Variants in RBFOX1 observed in about 807,000 individuals in gnomAD.
RBFOX1 encodes RNA binding protein fox-1 homolog 1.
Under a neutral mutation model 57.7 loss-of-function variants are expected in RBFOX1, and 8 were observed. The observed-to-expected ratio is 0.14, with a 90% CI of 0.08 to 0.25. The LOEUF (loss-of-function observed/expected upper bound fraction) is 0.25. RBFOX1 is among the 10% of genes least tolerant of loss of function. RBFOX1 has a pLI of 1.00. For synonymous variants in RBFOX1, 326 were observed against 222.4 expected, an observed-to-expected ratio of 1.47 and a Z score of -4.15; for missense variants, 611 against 548.5, an observed-to-expected ratio of 1.11 and a Z score of -1.14.
chr16:6,047,012 G>T (rs1028192231), intron 1 of RBFOX1, among the ~76,000 whole-genome samples: 1 of 152,212 alleles, frequency 6.6e-6, no homozygotes, highest in African/African-American at 2.4e-5. Context: ...GCCAGGCAAG[G>T]TTGCTGATGA....
chr16:6,944,379 G>A (rs913839220), intron 3 of RBFOX1, among the ~76,000 whole-genome samples: 12 of 136,506 alleles, frequency 8.8e-5, no homozygotes, highest in African/African-American at 2.5e-4. Flanking sequence ...TGGCAACAGA[G>A]CAAGACTCCA....
At chr16:5,648,191 C>A (rs888631904) in intron 3 of RBFOX1, among the ~76,000 whole-genome samples, 4 of 152,074 alleles carry the variant, frequency 2.6e-5, no homozygotes, top group African/African-American at 4.8e-5. Context: ...TAACACTAAC[C>A]ACGACAATAC....
At chr16:6,256,410 C>T (rs886770951) in intron 1 of RBFOX1, among the ~76,000 whole-genome samples, 2 of 150,056 alleles carry the variant, frequency 1.3e-5, no homozygotes, top group Non-Finnish European at 3.0e-5. Context: ...TGCCCAAGGT[C>T]ACCTGGAACC....
At chr16:5,483,082 C>G (rs1219281522) in intron 2 of RBFOX1, among the ~76,000 whole-genome samples, 1 of 152,130 alleles carries the variant, frequency 6.6e-6, no homozygotes, top group Non-Finnish European at 1.5e-5. Context: ...GCCTTTAAGT[C>G]TGTAGCCCTG....
At chr16:6,310,640 G>C (rs139012204) in intron 1 of RBFOX1, among the ~76,000 whole-genome samples, 10 of 152,290 alleles carry the variant, frequency 6.6e-5, no homozygotes, top group East Asian at 1.9e-4. Flanking sequence ...AACCAAATCT[G>C]TGTCCAAAAC....
At chr16:6,510,474 A>G (rs2096231735) in intron 2 of RBFOX1, among the ~76,000 whole-genome samples, 1 of 152,224 alleles carries the variant, frequency 6.6e-6, no homozygotes, top group Non-Finnish European at 1.5e-5. Flanking sequence ...TTGGTCACAG[A>G]GGAGACCAGG....
At chr16:5,472,998 C>T (rs1366421424) in intron 2 of RBFOX1, among the ~76,000 whole-genome samples, 1 of 152,130 alleles carries the variant, frequency 6.6e-6, no homozygotes, top group Non-Finnish European at 1.5e-5. Flanking sequence ...CAGCTGGCTC[C>T]AGTCACCTTT....
rs565380401 is a variant in RBFOX1 at position 7,518,322 on chromosome 16, C to T, written c.203C>T (p.Pro68Leu). The change falls in exon 5 of 16, where the codon CCC becomes CTC. Residue 68 changes from proline (P) to leucine (L), a missense_variant. Physicochemically the swap from Pro to Leu is moderately conservative, Grantham distance 98. This residue lies in a region of RBFOX1 where 245 missense variants were observed against 159.1 expected (regional missense o/e 1.54). Coordinates refer to ENST00000550418, the MANE Select transcript of RBFOX1 (RefSeq NM_018723.4). The stretch of plus-strand genomic sequence containing the variant: ...GAGCACACATTAAACCTGTACCCTC[C>T]CGCCCAGACGCACTCCGAGCAGAGC... Reference protein sequence around the residue: ...VPEHTLNLYPPAQTHSEQSPA... With the variant: ...VPEHTLNLYPLAQTHSEQSPA... The T allele has an allele frequency of 1.2e-5, 19 of 1,614,082 alleles. No individual in the cohort carries two copies. In the South Asian group the frequency reaches 2.0e-4, roughly 17 times the overall value.
chr16:7,112,626 T>C (rs2065026151), intron 4 of RBFOX1, among the ~76,000 whole-genome samples: 1 of 150,160 alleles, frequency 6.7e-6, no homozygotes, highest in Admixed American at 6.8e-5. Flanking sequence ...AGGCTGAAAA[T>C]TTAAGGTTAT....
intron 1 of RBFOX1, among the ~76,000 whole-genome samples, chr16:6,043,493 T>C (rs1834921655): frequency 6.6e-6 from 1 of 152,266 alleles, no homozygotes; most frequent in African/African-American, 2.4e-5. Flanking sequence ...CCAAAGAGTC[T>C]GTTTTGTCAG....
At chr16:7,243,675 G>T (rs562012777) in intron 4 of RBFOX1, among the ~76,000 whole-genome samples, 1 of 152,098 alleles carries the variant, frequency 6.6e-6, no homozygotes, top group South Asian at 2.1e-4. Context: ...AGCCTCCCAA[G>T]TAGCTGGGTT....
intron 5 of RBFOX1, among the ~76,000 whole-genome samples, chr16:7,538,718 T>A (rs1048509787): frequency 1.1e-4 from 17 of 152,158 alleles, no homozygotes; most frequent in African/African-American, 4.1e-4. Context: ...ATGCTTCAGG[T>A]ATTTGGGTGA....
At chr16:6,681,786 T>C (rs1288823178) in intron 3 of RBFOX1, among the ~76,000 whole-genome samples, 1 of 152,164 alleles carries the variant, frequency 6.6e-6, no homozygotes, top group Admixed American at 6.5e-5. Context: ...TTCTCACGTC[T>C]GTAATGTGGA....
chr16:7,249,784 AT>A (rs1299574619), intron 4 of RBFOX1, among the ~76,000 whole-genome samples: 1 of 152,108 alleles, frequency 6.6e-6, no homozygotes, highest in African/African-American at 2.4e-5. Context: ...TTGTGTCTAT[AT>A]CTTAAGCACA....
intron 3 of RBFOX1, among the ~76,000 whole-genome samples, chr16:5,625,223 T>C (rs1342694473): frequency 6.6e-6 from 1 of 152,120 alleles, no homozygotes; most frequent in Admixed American, 6.5e-5. Context: ...ATATTTTTTT[T>C]TCTGTATCCC....
At chr16:6,261,555 G>A (rs1465943649) in intron 1 of RBFOX1, among the ~76,000 whole-genome samples, 1 of 152,174 alleles carries the variant, frequency 6.6e-6, no homozygotes, top group Non-Finnish European at 1.5e-5. Flanking sequence ...CTTGTCCTGG[G>A]AATCGAGCCT....
At chr16:6,554,400 A>G (rs760537703) in intron 2 of RBFOX1, among the ~76,000 whole-genome samples, 1 of 152,178 alleles carries the variant, frequency 6.6e-6, no homozygotes, top group Admixed American at 6.5e-5. Flanking sequence ...GTGGACTGCA[A>G]ATGTGCACGA....
chr16:5,424,948 CTTCCTTTG>C (rs1272110730), intron 1 of RBFOX1, among the ~76,000 whole-genome samples: 56 of 65,058 alleles, frequency 8.6e-4, no homozygotes, highest in Non-Finnish European at 1.0e-3. Flanking sequence ...TCTCTTCTTT[CTTCCTTTG>C]TTTCTTTCTC....
intron 4 of RBFOX1, among the ~76,000 whole-genome samples, chr16:7,250,371 A>G (rs1180769818): frequency 6.6e-6 from 1 of 152,190 alleles, no homozygotes; most frequent in Non-Finnish European, 1.5e-5. Context: ...CAATGATTAA[A>G]TGCTTTAAAG....
Sources: allele counts gnomAD v4.1 joint callset (sites outside exome capture counted in the v4.1 genomes callset), GRCh38; gene constraint gnomAD v4.1.1; regional missense constraint gnomAD v4.1.1; transcripts MANE v1.5; gene names NCBI Gene and HGNC (gene_info 2026-07-23, HGNC 2026-07-21).